The following MYO1D variants were observed in gnomAD, a reference collection of about 807,000 sequenced individuals.
MYO1D encodes the protein myosin ID.
Under a neutral mutation model 122.0 loss-of-function variants are expected in MYO1D, and 83 were observed. The observed-to-expected ratio is 0.68, with a 90% CI of 0.57 to 0.82. The LOEUF (loss-of-function observed/expected upper bound fraction) is 0.82, where lower values mean the gene tolerates loss of function less well. Ranked by LOEUF, MYO1D falls within the 40% of genes least tolerant of loss-of-function variation. The pLI is 0.00. For missense variants in MYO1D, 1,157 were observed against 1,269.5 expected (o/e 0.91, Z 1.35); for synonymous variants, 464 against 446.9 (o/e 1.04, Z -0.48).
At chr17:32,635,211 A>G (rs1250633763) in intron 20 of MYO1D, among the ~76,000 whole-genome samples, 2 of 152,224 alleles carry the variant, frequency 1.3e-5, no homozygotes, top group Non-Finnish European at 2.9e-5. Flanking sequence ...CTAGCAAGAA[A>G]GAAGTAACTG....
At chr17:32,645,005 C>T (rs2088267023) in intron 19 of MYO1D, among the ~76,000 whole-genome samples, 1 of 152,166 alleles carries the variant, frequency 6.6e-6, no homozygotes, top group South Asian at 2.1e-4. Context: ...TTCTTCCTAG[C>T]ATCGATGGCT....
intron 21 of MYO1D, among the ~76,000 whole-genome samples, chr17:32,568,748 G>A (rs1219664008): frequency 1.3e-5 from 2 of 152,198 alleles, no homozygotes; most frequent in East Asian, 3.8e-4. Context: ...CTCTGAGAGG[G>A]ATCTGCCCTT....
intron 16 of MYO1D, among the ~76,000 whole-genome samples, chr17:32,696,554 C>T (rs1346286299): frequency 6.6e-6 from 1 of 152,194 alleles, no homozygotes; most frequent in East Asian, 1.9e-4. Context: ...AAGTCCTGAG[C>T]TAGCTCTTTA....
intron 1 of MYO1D, among the ~76,000 whole-genome samples, chr17:32,825,900 A>G (rs2090717710): frequency 6.6e-6 from 1 of 151,894 alleles, no homozygotes; most frequent in Admixed American, 6.6e-5. Context: ...TAAGATAAAA[A>G]TTAGCCAGGT....
At chr17:32,700,500 A>T (rs2089233541) in intron 16 of MYO1D, among the ~76,000 whole-genome samples, 1 of 152,252 alleles carries the variant, frequency 6.6e-6, no homozygotes. Flanking sequence ...TCCACAAAAA[A>T]TTTCACAGTT....
intron 1 of MYO1D, among the ~76,000 whole-genome samples, chr17:32,788,977 T>C (rs982937083): frequency 1.3e-5 from 2 of 151,096 alleles, no homozygotes; most frequent in South Asian, 2.1e-4. Context: ...CTTGGTTAAG[T>C]ATATTCCTAA....
At chr17:32,842,826 T>C (rs2090895706) in intron 1 of MYO1D, among the ~76,000 whole-genome samples, 1 of 151,860 alleles carries the variant, frequency 6.6e-6, no homozygotes, top group East Asian at 1.9e-4. Flanking sequence ...TTTCTTTCAA[T>C]ACACAAGTTT....
intron 1 of MYO1D, among the ~76,000 whole-genome samples, chr17:32,844,249 A>C (rs1375264704): frequency 1.4e-5 from 2 of 147,174 alleles, no homozygotes; most frequent in Non-Finnish European, 3.0e-5. Flanking sequence ...GTGTATATAT[A>C]ATATATAATA....
At chr17:32,565,732 GT>G (rs199779989) in intron 21 of MYO1D, among the ~76,000 whole-genome samples, 6 of 150,824 alleles carry the variant, frequency 4.0e-5, no homozygotes, top group Non-Finnish European at 7.4e-5. Context: ...GAGTGTGTGT[GT>G]TTTTTTTTTG....
chr17:32,649,119 T>G (rs1380931677), intron 19 of MYO1D, among the ~76,000 whole-genome samples: 2 of 152,222 alleles, frequency 1.3e-5, no homozygotes, highest in African/African-American at 4.8e-5. Context: ...TATTATAAAC[T>G]CTACACTACT....
intron 14 of MYO1D, among the ~76,000 whole-genome samples, chr17:32,724,418 G>A (rs998882165): frequency 5.9e-5 from 9 of 152,164 alleles, no homozygotes; most frequent in Admixed American, 5.2e-4. Flanking sequence ...CGTGCTGAGG[G>A]TTAACTAGAA....
In MYO1D at chr17:32,808,976, T is replaced by C. The variant is rs549242826; in HGVS notation, c.96-28192A>G. Among the ~76,000 whole-genome samples the C allele has an allele frequency of 2.0e-5, 3 of 152,290 alleles. No individual in the cohort carries two copies. The East Asian group carries it at 5.8e-4, about 29-fold the overall frequency. On this transcript the variant is annotated intron_variant, in intron 1 of 21. Coordinates refer to ENST00000318217, the MANE Select transcript of MYO1D (RefSeq NM_015194.3). ...TTAGGTATAGCCATACGTATATATGTAAACATGTGTACGTATACGTACATA... is the reference window on the plus strand; with the variant it reads ...TTAGGTATAGCCATACGTATATATGCAAACATGTGTACGTATACGTACATA...
intron 16 of MYO1D, among the ~76,000 whole-genome samples, chr17:32,669,604 G>T (rs952860507): frequency 6.6e-6 from 1 of 152,134 alleles, no homozygotes; most frequent in Non-Finnish European, 1.5e-5. Context: ...AGTTAAATTT[G>T]CAGGCCCCAG....
intron 1 of MYO1D, among the ~76,000 whole-genome samples, chr17:32,785,102 C>T (rs891366419): frequency 2.0e-5 from 3 of 152,012 alleles, no homozygotes; most frequent in African/African-American, 2.4e-5. Context: ...AGTTGTTTCA[C>T]GGGGAAACTG....
At chr17:32,752,340 G>T (rs746391487) in intron 11 of MYO1D, among the ~76,000 whole-genome samples, 6 of 152,010 alleles carry the variant, frequency 3.9e-5, no homozygotes, top group Non-Finnish European at 5.9e-5. Context: ...AGAAAACCTA[G>T]GAAAAACTCT....
At chr17:32,591,887 C>T (rs1044324388) in intron 21 of MYO1D, among the ~76,000 whole-genome samples, 1 of 152,142 alleles carries the variant, frequency 6.6e-6, no homozygotes. Context: ...TTTGAAAAAA[C>T]ACCTTCAGGT....
In MYO1D at chr17:32,680,957, A is replaced by C. The variant is rs1423338388; in HGVS notation, c.2122-21619T>G. Among the ~76,000 whole-genome samples, 3 of 152,062 alleles carry C rather than the reference A, an allele frequency of 2.0e-5. No individual in the cohort carries two copies. In the East Asian group the frequency reaches 5.8e-4, roughly 29 times the overall value. On this transcript the variant is annotated intron_variant, in intron 16 of 21. Coordinates refer to ENST00000318217, the MANE Select transcript of MYO1D (RefSeq NM_015194.3). ...TGTTACTGGTCTATTCAGAGATTCAACTTCTTCCTGGTTTAGTCTTGGGAG... is the reference window on the plus strand; with the variant it reads ...TGTTACTGGTCTATTCAGAGATTCACCTTCTTCCTGGTTTAGTCTTGGGAG...
At chr17:32,783,435 A>C (rs546013307) in intron 1 of MYO1D, among the ~76,000 whole-genome samples, 1 of 152,274 alleles carries the variant, frequency 6.6e-6, no homozygotes, top group South Asian at 2.1e-4. Flanking sequence ...ATGCTTGCAG[A>C]CCCAGCTATT....
chr17:32,588,704 C>T (rs2087412338), intron 21 of MYO1D, among the ~76,000 whole-genome samples: 1 of 152,114 alleles, frequency 6.6e-6, no homozygotes, highest in Non-Finnish European at 1.5e-5. Flanking sequence ...AATCTCCGAA[C>T]TTTGGGAGGC....
Sources: gnomAD v4.1 joint callset for allele counts (sites outside exome capture counted in the v4.1 genomes callset) on GRCh38, gnomAD v4.1.1 for gene constraint, MANE v1.5 for transcripts, NCBI Gene and HGNC (gene_info 2026-07-23, HGNC 2026-07-21) for gene names.